MICAL2: variants seen among roughly 807,000 people sequenced by gnomAD.
MICAL2 encodes [F-actin]-monooxygenase MICAL2.
Under a neutral mutation model 127.3 loss-of-function variants are expected in MICAL2, and 77 were observed. The observed-to-expected ratio is 0.60, with a 90% CI of 0.50 to 0.73. The LOEUF (loss-of-function observed/expected upper bound fraction) is 0.73, where lower values mean the gene tolerates loss of function less well. Ranked by LOEUF, MICAL2 falls within the 30% of genes least tolerant of loss-of-function variation. The pLI is 0.00. For synonymous variants in MICAL2, 570 were observed against 551.1 expected (o/e 1.03, Z -0.48); for missense variants, 1,351 against 1,434.4 (o/e 0.94, Z 0.94).
intron 34 of MICAL2, among the ~76,000 whole-genome samples, chr11:12,357,826 A>G (rs1939151094): frequency 6.6e-6 from 1 of 152,172 alleles, no homozygotes; most frequent in Admixed American, 6.5e-5. Context: ...CAACAGAGTG[A>G]GACTCCATCT....
At chr11:12,149,051 A>G (rs1454441006) in intron 2 of MICAL2, among the ~76,000 whole-genome samples, 2 of 152,208 alleles carry the variant, frequency 1.3e-5, no homozygotes, top group Non-Finnish European at 1.5e-5. Flanking sequence ...CAGAGTCCAA[A>G]CTGGGACCTG....
At chr11:12,197,657 G>C (rs982339246) in intron 3 of MICAL2, 1 of 152,170 alleles carries the variant, frequency 6.6e-6, no homozygotes, top group Non-Finnish European at 1.5e-5. Context: ...AGACCCAACC[G>C]CTACCCAGAG....
chr11:12,309,227 T>C (rs1232918495), intron 29 of MICAL2, among the ~76,000 whole-genome samples: 2 of 152,210 alleles, frequency 1.3e-5, no homozygotes, highest in East Asian at 3.8e-4. Flanking sequence ...AAATTTACTA[T>C]AAATCATTGT....
intron 26 of MICAL2, chr11:12,260,128 A>G (rs1862896970): frequency 1.3e-6 from 2 of 1,534,492 alleles, no homozygotes; most frequent in African/African-American, 1.4e-5. Flanking sequence ...CCTCGAGAGC[A>G]TCTGCAACTG....
Position 12,358,182 on chromosome 11 carries a change from C to T in MICAL2, c.5690-113C>T, listed in dbSNP as rs918365194. ...GGTGTTAAATTCATTTCCTTGTTTTCTCCATTAAAATTAAAGGCAGAACAA... is the reference window on the plus strand; with the variant it reads ...GGTGTTAAATTCATTTCCTTGTTTTTTCCATTAAAATTAAAGGCAGAACAA... On this transcript the variant is annotated intron_variant, in intron 34 of 34. Coordinates refer to the MICAL2 transcript ENST00000646065. The T allele has an allele frequency of 4.7e-5, 49 of 1,044,366 alleles. 1 individual carries two copies. Among genetic ancestry groups the T allele is most frequent in the Non-Finnish European group, 9.6e-6 (7 of 727,978 alleles). The allele number at this position is 1,044,366 out of a possible 1,614,324, so 64.7% of individuals were successfully genotyped here. A position where few individuals can be genotyped will look rare whatever the true frequency, so the allele number is the denominator to read the frequency against.
intron 3 of MICAL2, among the ~76,000 whole-genome samples, chr11:12,191,300 A>G (rs890532548): frequency 1.3e-5 from 2 of 151,316 alleles, no homozygotes; most frequent in African/African-American, 2.5e-5. Flanking sequence ...CCCTATCTCT[A>G]TTTAAAAAAA....
rs946624854 is a variant in MICAL2, at chr11:12,138,728, G to A, written c.-78+268G>A. 2.0e-5 allele frequency among the ~76,000 whole-genome samples: 3 copies of A among 152,158 alleles called. No individual in the cohort carries two copies. The East Asian group carries it at 5.8e-4, about 29-fold the overall frequency. ...CTCAAGGGCAAGGAACCAGACTCCC[G>A]CCTTCCTGTCTGAGCCAGGCAGCAA... is the stretch of plus-strand genomic sequence containing the variant. On this transcript the variant is annotated intron_variant, in intron 2 of 27. Transcript: ENST00000683283.
At chr11:12,260,220 G>C (rs750279597) in intron 26 of MICAL2, 22 of 1,457,310 alleles carry the variant, frequency 1.5e-5, no homozygotes, top group Non-Finnish European at 1.9e-5. Context: ...GGAGGCTTCA[G>C]ATGGCAGTGC....
intron 1 of MICAL2, among the ~76,000 whole-genome samples, chr11:12,124,436 T>C (rs971569758): frequency 6.6e-6 from 1 of 152,172 alleles, no homozygotes; most frequent in African/African-American, 2.4e-5. Context: ...CTGCATCTAC[T>C]ATCAAGTGCT....
chr11:12,324,200 T>G (rs1156972277), intron 31 of MICAL2: 2 of 1,101,746 alleles, frequency 1.8e-6, no homozygotes, highest in Non-Finnish European at 2.5e-6. Flanking sequence ...TCTTGTTCTC[T>G]GAGGAACCAG....
downstream of MICAL2, chr11:12,294,000 T>A: frequency 6.2e-7 from 1 of 1,614,078 alleles, no homozygotes; most frequent in Non-Finnish European, 8.5e-7. Flanking sequence ...CAGAAGACCA[T>A]GTTGTTGGAT....
chr11:12,259,923 G>C lies in MICAL2; in HGVS notation c.3334+26G>C, dbSNP rs774824927. The C allele has an allele frequency of 4.3e-6, 7 of 1,610,776 alleles. No individual in the cohort carries two copies. In the Admixed American group the frequency reaches 1.0e-4, roughly 23 times the overall value. On this transcript the variant is annotated intron_variant, in intron 26 of 27. Coordinates refer to ENST00000683283, the MANE Select transcript of MICAL2 (RefSeq NM_001282663.2). ...GTATCTCCACCTCCTTCTTTAGGAA[G>C]GTGCTGGGCTGGCCCCTCAGGCTGC...
chr11:12,138,766 A>G lies in MICAL2; in HGVS notation c.-78+306A>G, dbSNP rs114299965. On this transcript the variant is annotated intron_variant, in intron 2 of 27. Coordinates refer to ENST00000683283, the MANE Select transcript of MICAL2 (RefSeq NM_001282663.2). ...AGCCAGGCAGCAATTCCCGGCAGGC[A>G]CAGTACAAGGCACATCACAGGTGAC... 7.3e-3 allele frequency among the ~76,000 whole-genome samples: 1,118 copies of G among 152,298 alleles called. 10 individuals are homozygous for G. The highest frequency in any genetic ancestry group is 0.026 in the African/African-American group (1,088 of 41,558).
At chr11:12,112,617 C>T (rs567984837) in intron 1 of MICAL2, among the ~76,000 whole-genome samples, 1 of 151,974 alleles carries the variant, frequency 6.6e-6, no homozygotes, top group Non-Finnish European at 1.5e-5. Flanking sequence ...TTTGAACATA[C>T]CTCTATAAAA....
chr11:12,291,485 C>T (rs573599957), downstream of MICAL2, among the ~76,000 whole-genome samples: 1 of 152,322 alleles, frequency 6.6e-6, no homozygotes, highest in East Asian at 1.9e-4. Flanking sequence ...GGCCCTGCCC[C>T]ACTCCTTTCA....
chr11:12,297,894 T>G (rs1307933127), intron 29 of MICAL2, among the ~76,000 whole-genome samples: 1 of 151,896 alleles, frequency 6.6e-6, no homozygotes, highest in African/African-American at 2.4e-5. Context: ...ACCACACTGT[T>G]TTAAATTTCT....
chr11:12,177,900 C>T (rs1857006678), intron 3 of MICAL2, among the ~76,000 whole-genome samples: 1 of 152,190 alleles, frequency 6.6e-6, no homozygotes, highest in Non-Finnish European at 1.5e-5. Flanking sequence ...TCTTGAGCCC[C>T]ATGACCCCGT....
intron 29 of MICAL2, among the ~76,000 whole-genome samples, chr11:12,307,515 C>T (rs1337340749): frequency 6.6e-6 from 1 of 152,080 alleles, no homozygotes; most frequent in Non-Finnish European, 1.5e-5. Context: ...ACTAAGAATT[C>T]CTCATATGTT....
chr11:12,208,574 G>A (rs1415494043), intron 5 of MICAL2, among the ~76,000 whole-genome samples: 1 of 152,166 alleles, frequency 6.6e-6, no homozygotes, highest in African/African-American at 2.4e-5. Flanking sequence ...GTGAAATAAG[G>A]TTCAAGATGT....
Sources: allele counts gnomAD v4.1 joint callset (sites outside exome capture counted in the v4.1 genomes callset), GRCh38; gene constraint gnomAD v4.1.1; transcripts MANE v1.5; gene names NCBI Gene and HGNC (gene_info 2026-07-23, HGNC 2026-07-21).